Variants in SLC24A3 observed in about 807,000 individuals in gnomAD.
The protein encoded by SLC24A3 is solute carrier family 24 member 3.
Under a neutral mutation model 75.8 loss-of-function variants are expected in SLC24A3, and 28 were observed. The ratio of observed to expected loss-of-function variants is 0.37; its 90% confidence interval spans 0.27 to 0.51. The LOEUF (loss-of-function observed/expected upper bound fraction) is 0.51. SLC24A3 is among the 20% of genes least tolerant of loss of function. The pLI is 0.94. For missense variants in SLC24A3, 663 were observed against 847.8 expected (o/e 0.78, Z 2.71); for synonymous variants, 372 against 334.1 (o/e 1.11, Z -1.24).
rs567550843 is a variant in SLC24A3, at chr20:19,558,232, A to G, written c.349-21768A>G. Among the ~76,000 whole-genome samples, 26 of 152,128 alleles carry G rather than the reference A, an allele frequency of 1.7e-4. No homozygotes were observed. The East Asian group carries it at 4.8e-3, about 28-fold the overall frequency. ...CACAAAGAAAATATCATTTTTATAA[A>G]CTTTTTATTTTTTATTTTTTTATTT... On this transcript the variant is annotated intron_variant, in intron 3 of 16. Coordinates refer to ENST00000328041, the MANE Select transcript of SLC24A3 (RefSeq NM_020689.4).
intron 4 of SLC24A3, 120 bp from the exon 5 acceptor site, chr20:19,584,851 C>A: frequency 1.2e-6 from 1 of 815,136 alleles, no homozygotes; most frequent in South Asian, 1.7e-5. Flanking sequence ...TCCCATCGGT[C>A]CTACTCTCGC....
Position 19,447,828 on chromosome 20 carries a change from C to T in SLC24A3, c.272-67660C>T, listed in dbSNP as rs555056425. 2.6e-5 allele frequency among the ~76,000 whole-genome samples: 4 copies of T among 152,306 alleles called. No homozygotes were observed. In the South Asian group the frequency reaches 8.3e-4, roughly 32 times the overall value. On this transcript the variant is annotated intron_variant, in intron 2 of 16. Transcript: ENST00000328041. The stretch of plus-strand genomic sequence containing the variant: ...TCTGCACTTGGGACTCCTTAGTGAA[C>T]TTAATTTCTGGGGTAGACTTAATCC...
At chr20:19,273,552 T>A (rs1477246967) in intron 1 of SLC24A3, among the ~76,000 whole-genome samples, 3 of 152,168 alleles carry the variant, frequency 2.0e-5, no homozygotes, top group Non-Finnish European at 4.4e-5. Context: ...CCTTTGCTGA[T>A]CCTGCCAGGA....
At chr20:19,668,788 G>A (rs2032430200) in intron 8 of SLC24A3, among the ~76,000 whole-genome samples, 1 of 152,192 alleles carries the variant, frequency 6.6e-6, no homozygotes, top group Non-Finnish European at 1.5e-5. Context: ...ATACATACTG[G>A]TGTATTTTTC....
intron 6 of SLC24A3, among the ~76,000 whole-genome samples, chr20:19,630,206 AG>A (rs1387331803): frequency 2.0e-5 from 3 of 152,224 alleles, no homozygotes; most frequent in Non-Finnish European, 4.4e-5. Flanking sequence ...GATGGAGATG[AG>A]GGAGATTGTC....
chr20:19,584,725 C>T (rs1237176585), intron 4 of SLC24A3, among the ~76,000 whole-genome samples: 4 of 152,202 alleles, frequency 2.6e-5, no homozygotes, highest in Admixed American at 2.6e-4. Flanking sequence ...CCTCCCCAAA[C>T]CTGTCCCTTA....
chr20:19,438,098 G>A (rs2122462769), intron 2 of SLC24A3, among the ~76,000 whole-genome samples: 1 of 152,250 alleles, frequency 6.6e-6, no homozygotes. Context: ...TGAACCCAGG[G>A]CCCCTGTGTT....
At chr20:19,238,267 T>C (rs1176995006) in intron 1 of SLC24A3, among the ~76,000 whole-genome samples, 1 of 152,226 alleles carries the variant, frequency 6.6e-6, no homozygotes, top group Admixed American at 6.5e-5. Flanking sequence ...GTCTGTTTTC[T>C]TGCTGAATGT....
intron 3 of SLC24A3, among the ~76,000 whole-genome samples, chr20:19,521,494 T>C (rs923356427): frequency 2.6e-5 from 4 of 151,958 alleles, no homozygotes; most frequent in African/African-American, 9.7e-5. Context: ...TGGAGACTTA[T>C]GTGGATGTGT....
intron 1 of SLC24A3, among the ~76,000 whole-genome samples, chr20:19,215,214 A>G (rs1315050919): frequency 6.6e-6 from 1 of 152,192 alleles, no homozygotes; most frequent in Non-Finnish European, 1.5e-5. Context: ...TTTACCCTGG[A>G]AACTTGGAGC....
intron 16 of SLC24A3, among the ~76,000 whole-genome samples, chr20:19,719,147 G>T (rs2033073882): frequency 6.6e-6 from 1 of 152,108 alleles, no homozygotes; most frequent in Non-Finnish European, 1.5e-5. Flanking sequence ...ATGGGAGTTA[G>T]CAATGCAAAA....
intron 2 of SLC24A3, among the ~76,000 whole-genome samples, chr20:19,454,983 C>G (rs1003281328): frequency 1.3e-5 from 2 of 152,174 alleles, no homozygotes; most frequent in African/African-American, 4.8e-5. Context: ...TCTCAGAACT[C>G]CTTCCCGCTC....
intron 2 of SLC24A3, among the ~76,000 whole-genome samples, chr20:19,415,061 C>A (rs1986805181): frequency 6.6e-6 from 1 of 152,190 alleles, no homozygotes; most frequent in Non-Finnish European, 1.5e-5. Flanking sequence ...AGTTGGCTCT[C>A]TCATTATAAT....
chr20:19,279,764 C>T (rs1983603948), intron 1 of SLC24A3, among the ~76,000 whole-genome samples: 1 of 152,180 alleles, frequency 6.6e-6, no homozygotes, highest in Non-Finnish European at 1.5e-5. Context: ...GGTTCCTCCA[C>T]TCACATTTGC....
chr20:19,217,552 A>G (rs1344091220), intron 1 of SLC24A3, among the ~76,000 whole-genome samples: 1 of 152,176 alleles, frequency 6.6e-6, no homozygotes, highest in African/African-American at 2.4e-5. Flanking sequence ...GTATTTGAAA[A>G]GGAGGTTGCA....
chr20:19,696,027 T>TTTC (rs1296121855), intron 13 of SLC24A3, among the ~76,000 whole-genome samples: 4 of 142,432 alleles, frequency 2.8e-5, no homozygotes. Flanking sequence ...TTTTTTTTTT[T>TTTC]TTTTTTGTGA....
intron 2 of SLC24A3, among the ~76,000 whole-genome samples, chr20:19,360,457 A>G (rs1789896213): frequency 6.6e-6 from 1 of 152,260 alleles, no homozygotes; most frequent in Non-Finnish European, 1.5e-5. Flanking sequence ...GAATGTCAAC[A>G]TTTCAGCATG....
intron 2 of SLC24A3, among the ~76,000 whole-genome samples, chr20:19,457,134 G>T (rs1568623338): frequency 6.6e-6 from 1 of 152,154 alleles, no homozygotes; most frequent in African/African-American, 2.4e-5. Context: ...ACTGACCTGT[G>T]GCCTGGGATG....
intron 1 of SLC24A3, among the ~76,000 whole-genome samples, chr20:19,219,115 T>C (rs1333489513): frequency 6.6e-6 from 1 of 152,172 alleles, no homozygotes; most frequent in Admixed American, 6.5e-5. Flanking sequence ...AGGACCCAAA[T>C]GGAAGAAGGT....
Sources: gnomAD v4.1 joint callset for allele counts (sites outside exome capture counted in the v4.1 genomes callset) on GRCh38, gnomAD v4.1.1 for gene constraint, MANE v1.5 for transcripts, NCBI Gene and HGNC (gene_info 2026-07-23, HGNC 2026-07-21) for gene names.